Variants in SECISBP2 observed in about 807,000 individuals in gnomAD.
SECISBP2 encodes SECIS binding protein 2, also known as selenocysteine insertion sequence-binding protein 2.
SECISBP2 carries 96 observed loss-of-function variants against 98.2 expected under a neutral mutation model. The observed-to-expected ratio is 0.98, with a 90% CI of 0.83 to 1.16. The LOEUF (loss-of-function observed/expected upper bound fraction) is 1.16. SECISBP2 is among the 50% of genes most tolerant of loss of function. The pLI is 0.00. For missense variants in SECISBP2, 1,046 were observed against 1,022.9 expected (o/e 1.02, Z -0.31); for synonymous variants, 407 against 370.2 (o/e 1.10, Z -1.14).
At chr9:89,362,722 C>T (rs2132173921), downstream of SECISBP2, among the ~76,000 whole-genome samples, 1 of 152,338 alleles carries the variant, frequency 6.6e-6, no homozygotes, top group East Asian at 1.9e-4. Context: ...CTGTAAATGC[C>T]CAGCCTTTGG....
downstream of SECISBP2, chr9:89,363,733 T>TCAC (rs779927004): frequency 3.7e-6 from 6 of 1,610,742 alleles, no homozygotes. Flanking sequence ...GGCATGGGAA[T>TCAC]CACTTACCAG....
At chr9:89,360,671 GTGAA>G, downstream of SECISBP2, 1 of 152,346 alleles carries the variant, frequency 6.6e-6, no homozygotes, top group South Asian at 2.1e-4. Flanking sequence ...TTTCTTGGCA[GTGAA>G]GGACTCCAGC....
intron 7 of SECISBP2, among the ~76,000 whole-genome samples, chr9:89,336,643 G>A (rs994641119): frequency 6.6e-6 from 1 of 151,250 alleles, no homozygotes; most frequent in Admixed American, 6.6e-5. Flanking sequence ...AGCAGTATGT[G>A]TAAGGGAGAG....
At chr9:89,339,459 C>G (rs184143242) in intron 8 of SECISBP2, among the ~76,000 whole-genome samples, 3 of 152,278 alleles carry the variant, frequency 2.0e-5, no homozygotes, top group Admixed American at 6.5e-5. Context: ...GGTTTTTTAG[C>G]AGGCCTGTTG....
chr9:89,336,980 G>T (rs1828850820), intron 7 of SECISBP2, among the ~76,000 whole-genome samples: 1 of 151,866 alleles, frequency 6.6e-6, no homozygotes, highest in Non-Finnish European at 1.5e-5. Flanking sequence ...CACCATGTTG[G>T]TCAGGGTGGT....
chr9:89,334,803 T>G, intron 7 of SECISBP2, 73 bp downstream of exon 7: 1 of 1,101,762 alleles, frequency 9.1e-7, no homozygotes, highest in Non-Finnish European at 1.4e-6. Flanking sequence ...TGAGAAGTTA[T>G]TTATTAATGG....
intron 14 of SECISBP2, among the ~76,000 whole-genome samples, chr9:89,352,482 T>G (rs1831435116): frequency 6.6e-6 from 1 of 152,236 alleles, no homozygotes; most frequent in Non-Finnish European, 1.5e-5. Context: ...ACTCTGATTC[T>G]TGATCCTTTG....
chr9:89,326,133 C>G, intron 4 of SECISBP2, 95 bp downstream of exon 4: 1 of 1,446,520 alleles, frequency 6.9e-7, no homozygotes, highest in Admixed American at 1.7e-5. Flanking sequence ...TGGGCTTGTT[C>G]ATTGTGACTA....
chr9:89,326,690 A>T (rs747313622), intron 4 of SECISBP2, among the ~76,000 whole-genome samples: 8 of 152,232 alleles, frequency 5.3e-5, no homozygotes, highest in Non-Finnish European at 8.8e-5. Context: ...ATGTGCCCTT[A>T]GGTGATTTCG....
At chr9:89,358,257 T>A in intron 16 of SECISBP2, 66 bp downstream of exon 16, 1 of 1,500,284 alleles carries the variant, frequency 6.7e-7, no homozygotes, top group Non-Finnish European at 9.1e-7. Context: ...TAATTAGGAG[T>A]CCCTAGGTGA....
chr9:89,348,390 G>A (rs971890680), intron 12 of SECISBP2, among the ~76,000 whole-genome samples, 176 bp downstream of exon 12: 5 of 152,150 alleles, frequency 3.3e-5, no homozygotes, highest in African/African-American at 1.2e-4. Flanking sequence ...CAGATGGGGG[G>A]AGTGTTTCTA....
At chr9:89,362,622 A>G (rs573108711), downstream of SECISBP2, among the ~76,000 whole-genome samples, 26 of 152,352 alleles carry the variant, frequency 1.7e-4, no homozygotes, top group South Asian at 5.0e-3. Context: ...AAGGCAGAGC[A>G]GCAGCGCATT....
intron 11 of SECISBP2, 50 bp from the exon 12 acceptor site, chr9:89,348,029 C>T: frequency 6.5e-7 from 1 of 1,538,668 alleles, no homozygotes; most frequent in Non-Finnish European, 8.9e-7. Flanking sequence ...AAGAGCTTAT[C>T]TTTTAAGTAC....
chr9:89,354,560 A>G (rs1831776136), intron 14 of SECISBP2, among the ~76,000 whole-genome samples: 1 of 152,116 alleles, frequency 6.6e-6, no homozygotes, highest in Admixed American at 6.5e-5. Flanking sequence ...AGCACACACA[A>G]AGTTCCAGAC....
At chr9:89,346,792 C>G (rs1830482067) in intron 10 of SECISBP2, 90 bp from the exon 11 acceptor site, 2 of 1,519,470 alleles carry the variant, frequency 1.3e-6, no homozygotes, top group South Asian at 2.3e-5. Context: ...CTTCAGATAC[C>G]CTGAGGCAGC....
In SECISBP2 at chr9:89,358,133, C is replaced by T. The variant is rs144608007; in HGVS notation, c.2403C>T (p.Pro801=). 24 of 1,613,836 alleles carry T rather than the reference C, an allele frequency of 1.5e-5. No homozygotes were observed. In the African/African-American group the frequency reaches 2.4e-4, roughly 16 times the overall value. ...CTCCCAGCCTACCCACACAGGGCCC[C>T]AGCTGCCCTGCAGAAGATGGCCCCC... ...QAPPSLPTQG[P]SCPAEDGPPA... Residue 801 remains proline, a synonymous_variant, in exon 16 of 17, where the codon CCC becomes CCT. Transcript: ENST00000375807.
At chr9:89,348,005 A>C in intron 11 of SECISBP2, 74 bp from the exon 12 acceptor site, 1 of 1,428,250 alleles carries the variant, frequency 7.0e-7, no homozygotes, top group Non-Finnish European at 9.6e-7. Context: ...GAACTTGGGC[A>C]GTTTAATTTG....
intron 2 of SECISBP2, 159 bp from the exon 3 acceptor site, chr9:89,325,268 C>T (rs906036177): frequency 1.2e-5 from 8 of 673,168 alleles, no homozygotes; most frequent in South Asian, 1.9e-5. Flanking sequence ...GAGAAAGAAA[C>T]ACCCAGAGAT....
At position 89,320,642 on chromosome 9, in the gene SECISBP2, A is replaced by G. The variant is rs189527063; in HGVS notation, c.182+845A>G. Among the ~76,000 whole-genome samples the G allele has an allele frequency of 9.6e-4, 146 of 152,318 alleles. 3 individuals are homozygous for G. In the East Asian group the frequency reaches 0.025, roughly 26 times the overall value. On this transcript the variant is annotated intron_variant, in intron 2 of 16. Transcript: ENST00000375807. ...CTGTTAATATGGAGATGAATTTTAC[A>G]CATTTCAGGCTTAAGTTCTTCTAAA...
Sources: gnomAD v4.1 joint callset for allele counts (sites outside exome capture counted in the v4.1 genomes callset) on GRCh38, gnomAD v4.1.1 for gene constraint, MANE v1.5 for transcripts, NCBI Gene and HGNC (gene_info 2026-07-23, HGNC 2026-07-21) for gene names.